Variants in MED23 observed in about 807,000 individuals in gnomAD.
The protein encoded by MED23 is mediator complex subunit 23, also known as mediator of RNA polymerase II transcription subunit 23.
A neutral mutation model predicts 163.9 loss-of-function variants in MED23; 105 were observed. That is an observed-to-expected ratio of 0.64 (90% CI 0.55 to 0.75). The LOEUF (loss-of-function observed/expected upper bound fraction) is 0.75, where lower values mean the gene tolerates loss of function less well. Among genes scored for constraint, MED23 ranks in the 30% least tolerant of loss-of-function variants. The probability of loss-of-function intolerance (pLI) is 0.00; values close to 1 mark genes in which losing one functional copy is unlikely to be tolerated. For missense variants in MED23, 1,054 were observed against 1,649.0 expected (o/e 0.64, Z 6.25); for synonymous variants, 561 against 565.6 (o/e 0.99, Z 0.12).
At chr6:131,623,754 C>T (rs1777284688) in intron 4 of MED23, among the ~76,000 whole-genome samples, 1 of 152,092 alleles carries the variant, frequency 6.6e-6, no homozygotes, top group African/African-American at 2.4e-5. Context: ...TGCCTTTTGC[C>T]ATTATTCTAA....
exon 31 of MED23, chr6:131,574,290 T>G (rs1001681431): frequency 6.2e-7 from 1 of 1,613,866 alleles, no homozygotes; most frequent in African/African-American, 1.3e-5. Flanking sequence ...GTACTCTGAC[T>G]TTTTACTGCA....
chr6:131,582,428 G>A (rs2114544510), downstream of MED23, among the ~76,000 whole-genome samples: 1 of 152,278 alleles, frequency 6.6e-6, no homozygotes, highest in Non-Finnish European at 1.5e-5. Flanking sequence ...ATGCCAACTG[G>A]TTCAAGGCAA....
Position 131,605,443 on chromosome 6 carries a change from A to G in MED23, c.1410T>C (p.Asn470=), listed in dbSNP as rs1775784341. The G allele has an allele frequency of 6.2e-7, 1 of 1,606,508 alleles. No homozygotes were observed. Among genetic ancestry groups the G allele is most frequent in the Non-Finnish European group, 8.5e-7 (1 of 1,175,490 alleles). The change falls in exon 14 of 29, where the codon AAT becomes AAC. Residue 470 remains asparagine (N), a synonymous_variant. Coordinates refer to ENST00000368068, the MANE Select transcript of MED23 (RefSeq NM_004830.4). ...TACACAATAGAGCAATCTTATAGTC[A>G]TTCATCTGTAAACTTTTATTTCTTA... ...QSLRNKSLQM[N]DYKIALLCNA...
intron 21 of MED23, 176 bp downstream of exon 21, chr6:131,596,342 T>A: frequency 1.1e-6 from 1 of 889,274 alleles, no homozygotes; most frequent in Non-Finnish European, 1.8e-6. Context: ...GCAGTTTCAA[T>A]TTATTCTCAA....
chr6:131,582,753 G>T, downstream of MED23: 1 of 1,577,430 alleles, frequency 6.3e-7, no homozygotes, highest in Non-Finnish European at 8.7e-7. Flanking sequence ...CTCCATTTTT[G>T]TCCCTTTGTG....
Position 131,619,900 on chromosome 6 carries a change from AAG to A in MED23, c.598-6_598-5del, listed in dbSNP as rs1397241075. ...CTGATACTAGGTTTCCAAGTAACTAAAGAGAGAAAGAAAGAGGGAAGTCAAAT... is the reference window on the plus strand; with the variant it reads ...CTGATACTAGGTTTCCAAGTAACTAAAGAGAAAGAAAGAGGGAAGTCAAAT... On this transcript the variant is annotated splice_polypyrimidine_tract_variant and splice_region_variant and intron_variant, in intron 7 of 28. Coordinates refer to ENST00000368068, the MANE Select transcript of MED23 (RefSeq NM_004830.4). 6.2e-7 allele frequency: 1 copy of A among 1,603,126 alleles called. No individual in the cohort carries two copies. Among genetic ancestry groups the A allele is most frequent in the Non-Finnish European group, 8.5e-7 (1 of 1,170,904 alleles).
chr6:131,607,293 CTT>C (rs937235433), intron 12 of MED23, among the ~76,000 whole-genome samples: 7 of 151,690 alleles, frequency 4.6e-5, no homozygotes, highest in East Asian at 2.0e-4. Flanking sequence ...AAGAAATACT[CTT>C]GTTTCATCTT....
intron 22 of MED23, among the ~76,000 whole-genome samples, chr6:131,594,879 G>A (rs1774931627): frequency 1.3e-5 from 2 of 152,166 alleles, no homozygotes; most frequent in Admixed American, 1.3e-4. Flanking sequence ...CAAGAGACTG[G>A]TAACACTGGC....
chr6:131,607,315 T>G (rs1278500407), intron 12 of MED23, among the ~76,000 whole-genome samples: 1 of 151,866 alleles, frequency 6.6e-6, no homozygotes, highest in African/African-American at 2.4e-5. Context: ...TAAAATTTTC[T>G]GGGCAGATCA....
At chr6:131,605,825 A>G (rs1357966937) in intron 13 of MED23, among the ~76,000 whole-genome samples, 1 of 152,214 alleles carries the variant, frequency 6.6e-6, no homozygotes, top group Non-Finnish European at 1.5e-5. Context: ...AAACACAACA[A>G]TGTCTTCATT....
At chr6:131,612,678 A>G (rs1282094427) in intron 10 of MED23, among the ~76,000 whole-genome samples, 1 of 152,112 alleles carries the variant, frequency 6.6e-6, no homozygotes, top group Non-Finnish European at 1.5e-5. Flanking sequence ...TATTTTAACA[A>G]TTCTATTTCT....
chr6:131,596,414 A>G (rs1775052524), intron 21 of MED23, 104 bp downstream of exon 21: 2 of 1,309,686 alleles, frequency 1.5e-6, no homozygotes, highest in Admixed American at 1.7e-5. Flanking sequence ...TATATAGACA[A>G]GAGAAAAAAC....
Position 131,610,253 on chromosome 6 carries a change from G to A in MED23, c.877-7C>T. On this transcript the variant is annotated splice_region_variant and splice_polypyrimidine_tract_variant and intron_variant, in intron 10 of 28. Transcript: ENST00000368068. ...CAGGGCAGCGCTGCTTGTGCTGTAG[G>A]GCAGAGATTAAATACAGTATTCCAA... 6.2e-7 allele frequency: 1 copy of A among 1,613,244 alleles called. No homozygotes were observed. Among genetic ancestry groups the A allele is most frequent in the African/African-American group, 1.3e-5 (1 of 74,974 alleles).
downstream of MED23, chr6:131,583,772 T>A (rs1190609964): frequency 6.2e-7 from 1 of 1,614,086 alleles, no homozygotes; most frequent in Non-Finnish European, 8.5e-7. Flanking sequence ...ATAATGGAAG[T>A]GAACCCATCC....
intron 23 of MED23, 118 bp from the exon 24 acceptor site, chr6:131,593,289 A>G: frequency 8.4e-7 from 1 of 1,196,320 alleles, no homozygotes; most frequent in Non-Finnish European, 1.2e-6. Flanking sequence ...GCAAATGCAA[A>G]CCAAATACAA....
chr6:131,584,397 C>CACA, downstream of MED23: 1 of 152,978 alleles, frequency 6.5e-6, no homozygotes. Context: ...CACACACACA[C>CACA]CCCACATTCA....
At chr6:131,583,800 A>G, downstream of MED23, 10 of 1,614,164 alleles carry the variant, frequency 6.2e-6, no homozygotes, top group Non-Finnish European at 8.5e-6. Flanking sequence ...AGACACCAGA[A>G]GAAGTAACTC....
intron 15 of MED23, 111 bp from the exon 16 acceptor site, chr6:131,603,315 A>G (rs972176818): frequency 1.4e-5 from 14 of 977,742 alleles, no homozygotes; most frequent in African/African-American, 9.7e-5. Flanking sequence ...GAAAATACAC[A>G]CGCCCACACA....
chr6:131,593,073 C>T lies in MED23; in HGVS notation c.3331G>A (p.Glu1111Lys). 1 of 1,614,214 alleles carries T rather than the reference C, an allele frequency of 6.2e-7. No homozygotes were observed. The highest frequency in any genetic ancestry group is 8.5e-7 in the Non-Finnish European group (1 of 1,180,036). ...CCTGAAACTGCCAAGGCCATGAGCT[C>T]CACACAAGTAACATGGAGAGCATGG... ...AAHALHVTCV[E>K]LMALAVSGKE... Residue 1111 changes from glutamate (E) to lysine (K), a missense_variant, in exon 24 of 29, where the codon GAG (glutamate) becomes AAG (lysine). Physicochemically the swap from Glu to Lys is moderately conservative, Grantham distance 56. Coordinates refer to ENST00000368068, the MANE Select transcript of MED23 (RefSeq NM_004830.4).
Sources: allele counts gnomAD v4.1 joint callset (sites outside exome capture counted in the v4.1 genomes callset), GRCh38; gene constraint gnomAD v4.1.1; transcripts MANE v1.5; gene names NCBI Gene and HGNC (gene_info 2026-07-23, HGNC 2026-07-21).